FBXL18: variants seen among roughly 807,000 people sequenced by gnomAD.
FBXL18 encodes F-box/LRR-repeat protein 18.
Under a neutral mutation model 46.0 loss-of-function variants are expected in FBXL18, and 36 were observed. The ratio of observed to expected loss-of-function variants is 0.78; its 90% confidence interval spans 0.60 to 1.03. The LOEUF (loss-of-function observed/expected upper bound fraction) is 1.03, where lower values mean the gene tolerates loss of function less well. FBXL18 is among the 50% of genes least tolerant of loss of function. The pLI is 0.00. For synonymous variants in FBXL18, 557 were observed against 465.3 expected (o/e 1.20, Z -2.54); for missense variants, 977 against 1,004.1 (o/e 0.97, Z 0.36).
At chr7:5,506,380 G>A (rs939397452) in intron 1 of FBXL18, among the ~76,000 whole-genome samples, 3 of 151,108 alleles carry the variant, frequency 2.0e-5, no homozygotes, top group Non-Finnish European at 2.9e-5. Flanking sequence ...TCCCAAGTAC[G>A]TGGGATTACA....
intron 4 of FBXL18, among the ~76,000 whole-genome samples, chr7:5,467,841 G>A (rs540787548): frequency 1.3e-5 from 2 of 152,246 alleles, no homozygotes; most frequent in African/African-American, 4.8e-5. Context: ...CTGACTCATT[G>A]GAGACAACCT....
In FBXL18 at chr7:5,496,718, C is replaced by CA. The variant is rs1784090217; in HGVS notation, c.1781+3769dup. 6.6e-6 allele frequency among the ~76,000 whole-genome samples: 1 copy of CA among 151,992 alleles called. No homozygotes were observed. Among genetic ancestry groups the CA allele is most frequent in the Admixed American group, 6.6e-5 (1 of 15,256 alleles). The stretch of plus-strand genomic sequence containing the variant: ...GCAACACAGCAAGACCCCGTCTCTA[C>CA]AAAAAATACAAAAAACTAGCCAGGC... On this transcript the variant is annotated intron_variant, in intron 3 of 4. Coordinates refer to ENST00000382368, the MANE Select transcript of FBXL18 (RefSeq NM_024963.6). The surrounding 1 kb of genome is among the most constrained non-coding windows in gnomAD (Gnocchi z 4.8).
intron 1 of FBXL18, among the ~76,000 whole-genome samples, chr7:5,511,735 T>C (rs1452564526): frequency 6.8e-6 from 1 of 147,434 alleles, no homozygotes; most frequent in Non-Finnish European, 1.5e-5. Flanking sequence ...GCCACTGCAC[T>C]CCAACCTGGG....
intron 2 of FBXL18, among the ~76,000 whole-genome samples, chr7:5,503,796 G>C (rs899526297): frequency 6.6e-6 from 1 of 151,890 alleles, no homozygotes; most frequent in Non-Finnish European, 1.5e-5. Context: ...GTGAAACCTC[G>C]TCTCTACTAG....
intron 3 of FBXL18, among the ~76,000 whole-genome samples, chr7:5,491,771 C>G (rs1490630000): frequency 2.0e-5 from 3 of 152,174 alleles, no homozygotes; most frequent in African/African-American, 7.2e-5. Context: ...ACCCCAATGA[C>G]CCCCAGGCAC....
intron 1 of FBXL18, among the ~76,000 whole-genome samples, chr7:5,511,646 T>C (rs1584250172): frequency 6.7e-6 from 1 of 149,250 alleles, no homozygotes; most frequent in East Asian, 2.0e-4. Context: ...TGGGCGCCTG[T>C]AGTCCCAGCT....
rs1467176639 is a variant in FBXL18, at chr7:5,501,568, T to C, written c.701A>G (p.Tyr234Cys). The stretch of plus-strand genomic sequence containing the variant: ...GATGTAGCCGGGGGCCAGGCGCGCA[T>C]AGAAGACCCGCAGGTTCTGGTAGTG... ...VPHYQNLRVF[Y>C]ARLAPGYINQ... is the part of the protein sequence containing the mutation. Residue 234 changes from tyrosine to cysteine, a missense_variant, in exon 3 of 5, where the codon TAT becomes TGT. Tyr to Cys is a radical substitution (Grantham distance 194). Transcript: ENST00000382368. 4.3e-6 allele frequency: 7 copies of C among 1,613,686 alleles called. No individual in the cohort carries two copies. In the African/African-American group the frequency reaches 5.3e-5, roughly 12 times the overall value.
At chr7:5,462,267 C>T (rs573805161) in intron 4 of FBXL18, among the ~76,000 whole-genome samples, 2 of 152,188 alleles carry the variant, frequency 1.3e-5, no homozygotes, top group African/African-American at 2.4e-5. Context: ...CCTCACAGAA[C>T]GCCGTGAGGT....
At chr7:5,462,683 G>C (rs1021491735) in intron 4 of FBXL18, among the ~76,000 whole-genome samples, 9 of 151,808 alleles carry the variant, frequency 5.9e-5, no homozygotes, top group African/African-American at 2.2e-4. Flanking sequence ...CAGATGCAGT[G>C]GCTCATGCCT....
Position 5,505,738 on chromosome 7 carries a change from G to A in FBXL18, c.19-108C>T, listed in dbSNP as rs192893549. The A allele has an allele frequency of 2.4e-4, 211 of 881,172 alleles. 2 individuals carry two copies. The African/African-American group carries it at 3.2e-3, about 13-fold the overall frequency. The allele number at this position is 881,172 out of a possible 1,614,324, so 54.6% of individuals were successfully genotyped here. On this transcript the variant is annotated intron_variant, in intron 1 of 4. Coordinates refer to ENST00000382368, the MANE Select transcript of FBXL18 (RefSeq NM_024963.6). The stretch of plus-strand genomic sequence containing the variant: ...AGAAGCCCTTATCCATGGGAAAGAA[G>A]GTGTTTTTACTAAAACTCTCAACTG...
intron 4 of FBXL18, among the ~76,000 whole-genome samples, chr7:5,456,909 G>A (rs1293081073): frequency 6.6e-6 from 1 of 152,104 alleles, no homozygotes; most frequent in Admixed American, 6.5e-5. Context: ...GATTACAGGT[G>A]CACGCCACCA....
Position 5,501,499 on chromosome 7 carries a change from C to T in FBXL18, c.770G>A (p.Arg257His), listed in dbSNP as rs1356664757. 6.2e-7 allele frequency: 1 copy of T among 1,613,794 alleles called. No individual in the cohort carries two copies. Among genetic ancestry groups the T allele is most frequent in the Non-Finnish European group, 8.5e-7 (1 of 1,179,998 alleles). ...VRLYLAVLSD[R>H]TPQNLHAFLI... ...GAAGGCGTGGAGGTTCTGAGGAGTG[C>T]GGTCGCTAAGCACAGCCAGGTAGAG... Residue 257 changes from arginine to histidine, a missense_variant, in exon 3 of 5, where the codon CGC (arginine) becomes CAC (histidine). Coordinates refer to ENST00000382368, the MANE Select transcript of FBXL18 (RefSeq NM_024963.6).
intron 4 of FBXL18, chr7:5,490,259 TGGCC>T (rs1295347189): frequency 7.8e-7 from 1 of 1,276,958 alleles, no homozygotes; most frequent in Non-Finnish European, 1.0e-6. Context: ...GCTGCCCCCT[TGGCC>T]GGGCGCACGC....
chr7:5,461,703 G>T (rs1783248431), intron 4 of FBXL18, among the ~76,000 whole-genome samples: 1 of 152,090 alleles, frequency 6.6e-6, no homozygotes, highest in African/African-American at 2.4e-5. Context: ...CACTTTGGGA[G>T]GCCAAGGCGG....
At position 5,500,724 on chromosome 7, in the gene FBXL18, G is replaced by T; in HGVS notation, c.1545C>A (p.Arg515=). Residue 515 remains arginine (R), a synonymous_variant, in exon 3 of 5, where the codon CGC becomes CGA. Coordinates refer to ENST00000382368, the MANE Select transcript of FBXL18 (RefSeq NM_024963.6). ...CCTCCGAGTCCCCGACACTCTGTGC[G>T]CGGCTGCAGGGTGGGAGCGAGTTGC... ...AIRNSLPPCS[R]AQSVGDSEVA... is the part of the protein sequence containing the mutation. 6.2e-7 allele frequency: 1 copy of T among 1,612,188 alleles called. No homozygotes were observed.
rs976956229 is a variant in FBXL18 at position 5,513,797 on chromosome 7, T to C, written c.-123A>G. ...ACCGAGACCCCGGCAAGGAGCGGGC[T>C]CTCGTCACTTCCGGCGCCCGCCTAC... On this transcript the variant is annotated 5_prime_UTR_variant, in exon 1 of 5. Coordinates refer to ENST00000382368, the MANE Select transcript of FBXL18 (RefSeq NM_024963.6). 1.5e-5 allele frequency: 21 copies of C among 1,356,214 alleles called. No individual in the cohort carries two copies. Among genetic ancestry groups the C allele is most frequent in the East Asian group, 1.3e-4 (5 of 39,208 alleles). The allele number at this position is 1,356,214 out of a possible 1,614,324, so 84.0% of individuals were successfully genotyped here.
intron 1 of FBXL18, among the ~76,000 whole-genome samples, chr7:5,509,009 A>G (rs899699396): frequency 6.6e-6 from 1 of 152,082 alleles, no homozygotes. Context: ...CCTCGGCAAC[A>G]TGATGAAACC....
rs1784243555 is a variant in FBXL18 at position 5,501,245 on chromosome 7, G to A, written c.1024C>T (p.Leu342=). 5 of 1,613,390 alleles carry A rather than the reference G, an allele frequency of 3.1e-6. No homozygotes were observed. Among genetic ancestry groups the A allele is most frequent in the Non-Finnish European group, 4.2e-6 (5 of 1,179,836 alleles). ...AGGTTCAAGCTGGCCAGGCTCCGCAGGTCCTTCCCGCCGTTGATGACCTGC... is the reference window on the plus strand; with the variant it reads ...AGGTTCAAGCTGGCCAGGCTCCGCAAGTCCTTCCCGCCGTTGATGACCTGC... ...IQQVINGGKD[L]RSLASLNLSG... Residue 342 remains leucine (L), a synonymous_variant, in exon 3 of 5, where the codon CTG becomes TTG. Transcript: ENST00000382368.
chr7:5,456,914 C>A (rs1157176545), intron 4 of FBXL18, among the ~76,000 whole-genome samples: 2 of 152,218 alleles, frequency 1.3e-5, no homozygotes, highest in Non-Finnish European at 2.9e-5. Context: ...CAGGTGCACG[C>A]CACCATGCCT....
Sources: allele counts gnomAD v4.1 joint callset (sites outside exome capture counted in the v4.1 genomes callset), GRCh38; gene constraint gnomAD v4.1.1; non-coding constraint Gnocchi (gnomAD v3.1); transcripts MANE v1.5; gene names NCBI Gene and HGNC (gene_info 2026-07-23, HGNC 2026-07-21).